The following OLFM1 variants were observed in gnomAD, a reference collection of about 807,000 sequenced individuals.
OLFM1 encodes olfactomedin 1, also known as noelin.
OLFM1 carries 9 observed loss-of-function variants against 49.7 expected under a neutral mutation model. That is an observed-to-expected ratio of 0.18 (90% CI 0.11 to 0.32). The LOEUF is 0.32. OLFM1 is among the 10% of genes least tolerant of loss of function. The pLI, the probability that OLFM1 is intolerant of heterozygous loss-of-function variation, is 1.00. For missense variants in OLFM1, 369 were observed against 661.8 expected, an observed-to-expected ratio of 0.56 and a Z score of 4.85; for synonymous variants, 240 against 271.8, an observed-to-expected ratio of 0.88 and a Z score of 1.15.
At chr9:135,097,327 C>T (rs559644404) in intron 3 of OLFM1, among the ~76,000 whole-genome samples, 10 of 152,240 alleles carry the variant, frequency 6.6e-5, no homozygotes, top group Admixed American at 2.6e-4. Context: ...TTTTTGTCCT[C>T]GCATCTGGCT....
chr9:135,088,439 AGTCCTGG>A lies in OLFM1; in HGVS notation c.150+304_150+310del, dbSNP rs1830632461. On this transcript the variant is annotated intron_variant, in intron 1 of 5. Transcript: ENST00000371793. This position sits in a 1 kb window ranked among gnomAD's most constrained non-coding sequence, Gnocchi z 4.8. ...GCTTGGTGGGTTCTCGGAGGCTTGG[AGTCCTGG>A]GTCAGTAATCATGAGCCCCCCATTG... 6.6e-6 allele frequency among the ~76,000 whole-genome samples: 1 copy of A among 151,628 alleles called. No individual in the cohort carries two copies. The highest frequency in any genetic ancestry group is 1.5e-5 in the Non-Finnish European group (1 of 67,872).
At chr9:135,106,395 C>T (rs1564276966) in intron 4 of OLFM1, 2 of 242,062 alleles carry the variant, frequency 8.3e-6, no homozygotes, top group East Asian at 1.9e-4. Flanking sequence ...AAAATTGAGT[C>T]TTGGCAAAGC....
In OLFM1 at chr9:135,088,193, C is replaced by G. The variant is rs544811327; in HGVS notation, c.150+54C>G. 4.5e-4 allele frequency: 557 copies of G among 1,245,212 alleles called. 3 individuals carry two copies. In the African/African-American group the frequency reaches 7.9e-3, roughly 18 times the overall value. 77.1% of individuals were successfully genotyped at this position (1,245,212 alleles called of 1,614,324 possible). A position where few individuals can be genotyped will look rare whatever the true frequency, so the allele number is the denominator to read the frequency against. The stretch of plus-strand genomic sequence containing the variant: ...CGGCTCCTCCTCCTCCTCCTCCTCC[C>G]CCTCCTCGGTCCGGAGCCCCGGGCT... On this transcript the variant is annotated intron_variant, in intron 1 of 5. Transcript: ENST00000371793. The surrounding 1 kb of genome is among the most constrained non-coding windows in gnomAD (Gnocchi z 4.8).
chr9:135,090,281 T>C lies in OLFM1; in HGVS notation c.237T>C (p.Ala79=), dbSNP rs500461. The change falls in exon 2 of 6, where the codon GCT becomes GCC. Residue 79 remains alanine, a synonymous_variant. Transcript: ENST00000371793. ...GCAGGTGTATCTGCACAGTGGTCGC[T>C]CCACAGCAGACCATGTGTTCACGGG... ...SEGRCICTVV[A]PQQTMCSRDA... 0.87 allele frequency: 1,406,750 copies of C among 1,613,862 alleles called. 617,024 individuals carry two copies. Among genetic ancestry groups the C allele is most frequent in the Non-Finnish European group, 0.9 (1,062,280 of 1,179,980 alleles).
upstream of OLFM1, chr9:135,086,640 G>T: frequency 2.2e-6 from 1 of 456,100 alleles, no homozygotes; most frequent in Non-Finnish European, 4.4e-6. Flanking sequence ...TTTCATCTCC[G>T]ATTAGAAGCC....
chr9:135,103,062 C>T (rs989336067), intron 4 of OLFM1, among the ~76,000 whole-genome samples: 3 of 152,202 alleles, frequency 2.0e-5, no homozygotes, highest in Non-Finnish European at 2.9e-5. Context: ...CGTCTGGGGC[C>T]GTCGGGGGGC....
chr9:135,108,714 C>A (rs944812945), intron 5 of OLFM1, among the ~76,000 whole-genome samples: 1 of 152,132 alleles, frequency 6.6e-6, no homozygotes, highest in African/African-American at 2.4e-5. Context: ...TGCATTAACT[C>A]CCTTAATAGC....
At position 135,094,428 on chromosome 9, in the gene OLFM1, C is replaced by T. The variant is rs147856428; in HGVS notation, c.301-1436C>T. ...GGCATTTGGGCTGGGCCTTGAAGGA[C>T]GAATATAGACAAACTTTACATCTTT... On this transcript the variant is annotated intron_variant, in intron 2 of 5. Transcript: ENST00000371793. Among the ~76,000 whole-genome samples, 1,088 of 152,100 alleles carry T rather than the reference C, an allele frequency of 7.2e-3. 5 individuals carry two copies. The highest frequency in any genetic ancestry group is 0.016 in the African/African-American group (662 of 41,474).
At chr9:135,079,416 C>G (rs1019260540) in intron 1 of OLFM1, among the ~76,000 whole-genome samples, 1 of 151,984 alleles carries the variant, frequency 6.6e-6, no homozygotes, top group Non-Finnish European at 1.5e-5. Flanking sequence ...CCAGCCCGGC[C>G]AACATGAAGA....
In OLFM1 at chr9:135,104,307, G is replaced by A. The variant is rs375775828; in HGVS notation, c.677-2442G>A. ...GCAAAGCTGCGTGAACCAGCAGGGC[G>A]GGGCTCTGGCCAGGCGGCGGAGAGG... On this transcript the variant is annotated intron_variant, in intron 4 of 5. Transcript: ENST00000371793. 8.0e-3 allele frequency among the ~76,000 whole-genome samples: 1,221 copies of A among 152,342 alleles called. 13 individuals are homozygous for A. Among genetic ancestry groups the A allele is most frequent in the Non-Finnish European group, 0.013 (907 of 68,034 alleles).
intron 1 of OLFM1, among the ~76,000 whole-genome samples, chr9:135,089,761 C>T (rs1182101194): frequency 6.6e-6 from 1 of 152,090 alleles, no homozygotes; most frequent in Non-Finnish European, 1.5e-5. Context: ...GCCAGCCACC[C>T]GTGCTTGACT....
chr9:135,109,887 G>A (rs1830999048), intron 5 of OLFM1, among the ~76,000 whole-genome samples: 1 of 152,160 alleles, frequency 6.6e-6, no homozygotes, highest in African/African-American at 2.4e-5. Flanking sequence ...CCACAGGAGG[G>A]ACGGTCCTGA....
upstream of OLFM1, among the ~76,000 whole-genome samples, chr9:135,083,327 G>A (rs1830555694): frequency 1.3e-5 from 2 of 152,202 alleles, no homozygotes; most frequent in Admixed American, 1.3e-4. Context: ...CTGTGGCCAG[G>A]CTGAGACGAT....
At position 135,103,489 on chromosome 9, in the gene OLFM1, G is replaced by A. The variant is rs532906030; in HGVS notation, c.677-3260G>A. Among the ~76,000 whole-genome samples the A allele has an allele frequency of 8.5e-5, 13 of 152,300 alleles. 1 individual carries two copies. In the East Asian group the frequency reaches 2.1e-3, roughly 25 times the overall value. ...CCTCACCCTTCCCTGCCCTTGCTAA[G>A]CCAGGATTTTAAGGCTCATTTCAAG... is the stretch of plus-strand genomic sequence containing the variant. On this transcript the variant is annotated intron_variant, in intron 4 of 5. Coordinates refer to ENST00000371793, the MANE Select transcript of OLFM1 (RefSeq NM_001282611.2).
Position 135,095,846 on chromosome 9 carries a change from C to T in OLFM1, c.301-18C>T, listed in dbSNP as rs1351124769. 1.2e-6 allele frequency: 2 copies of T among 1,611,780 alleles called. No homozygotes were observed. Among genetic ancestry groups the T allele is most frequent in the African/African-American group, 2.7e-5 (2 of 74,802 alleles). ...ACCTACTGCGGCTGTTTTGCTGAACCTGTTGCCCTTTTGACAGGTGCAGAA... is the reference window on the plus strand; with the variant it reads ...ACCTACTGCGGCTGTTTTGCTGAACTTGTTGCCCTTTTGACAGGTGCAGAA... On this transcript the variant is annotated intron_variant, in intron 2 of 5. Coordinates refer to ENST00000371793, the MANE Select transcript of OLFM1 (RefSeq NM_001282611.2).
chr9:135,089,972 T>A (rs960114607), intron 1 of OLFM1, among the ~76,000 whole-genome samples: 2 of 152,178 alleles, frequency 1.3e-5, no homozygotes, highest in African/African-American at 4.8e-5. Context: ...TCTTGCCTCT[T>A]TGACATCCTT....
At chr9:135,078,189 G>A (rs972323843) in intron 1 of OLFM1, among the ~76,000 whole-genome samples, 2 of 152,198 alleles carry the variant, frequency 1.3e-5, no homozygotes, top group African/African-American at 4.8e-5. Context: ...GCATGTCTGG[G>A]CTTCAGGATA....
intron 5 of OLFM1, among the ~76,000 whole-genome samples, chr9:135,110,325 A>C (rs933103010): frequency 1.3e-5 from 2 of 152,040 alleles, no homozygotes; most frequent in African/African-American, 4.8e-5. Flanking sequence ...CTTCCTATAA[A>C]AGTCTCAGGT....
chr9:135,113,450 G>A lies in OLFM1; in HGVS notation c.784-6054G>A, dbSNP rs1024446012. 6.6e-6 allele frequency among the ~76,000 whole-genome samples: 1 copy of A among 152,174 alleles called. No homozygotes were observed. The highest frequency in any genetic ancestry group is 2.4e-5 in the African/African-American group (1 of 41,436). ...CTAAGGACATAAATGATGATAGCTGGCATTTATTGAACCACTACAGGTGGC... is the reference window on the plus strand; with the variant it reads ...CTAAGGACATAAATGATGATAGCTGACATTTATTGAACCACTACAGGTGGC... On this transcript the variant is annotated intron_variant, in intron 5 of 5. Coordinates refer to ENST00000371793, the MANE Select transcript of OLFM1 (RefSeq NM_001282611.2). The surrounding 1 kb of genome is among the most constrained non-coding windows in gnomAD (Gnocchi z 4.0).
Sources: gnomAD v4.1 joint callset for allele counts (sites outside exome capture counted in the v4.1 genomes callset) on GRCh38, gnomAD v4.1.1 for gene constraint, Gnocchi (gnomAD v3.1) non-coding constraint, MANE v1.5 for transcripts, NCBI Gene and HGNC (gene_info 2026-07-23, HGNC 2026-07-21) for gene names.